PAX6: variants seen among roughly 807,000 people sequenced by gnomAD.
PAX6 encodes paired box 6.
Under a neutral mutation model 60.7 loss-of-function variants are expected in PAX6, and 7 were observed. That is an observed-to-expected ratio of 0.12 (90% confidence interval 0.07 to 0.22). PAX6 has a LOEUF of 0.22. PAX6 is among the 10% of genes least tolerant of loss of function. The pLI is 1.00. For synonymous variants in PAX6, 208 were observed against 201.2 expected (o/e 1.03, Z -0.29); for missense variants, 355 against 555.2 (o/e 0.64, Z 3.62).
rs575838047 is a variant in PAX6 at position 31,790,933 on chromosome 11, C to T, written c.1075-73G>A. On this transcript the variant is annotated intron_variant, in intron 12 of 13. Transcript: ENST00000640368. The stretch of plus-strand genomic sequence containing the variant: ...AGCCACAGCCCCAGGCTCCCTCCTC[C>T]CGAGGAACTCTGCCAACAAGTCTGA... 12 of 1,500,602 alleles carry T rather than the reference C, an allele frequency of 8.0e-6. No homozygotes were observed. The East Asian group carries it at 1.7e-4, about 21-fold the overall frequency. 93.0% of individuals were successfully genotyped at this position (1,500,602 alleles called of 1,614,324 possible). A position where few individuals can be genotyped will look rare whatever the true frequency, so the allele number is the denominator to read the frequency against.
chr11:31,800,561 C>A lies in PAX6; in HGVS notation c.565+130G>T, dbSNP rs906804780. 2.2e-5 allele frequency: 24 copies of A among 1,105,760 alleles called. No individual in the cohort carries two copies. The Admixed American group carries it at 3.4e-4, about 16-fold the overall frequency. The allele number at this position is 1,105,760 out of a possible 1,614,324, so 68.5% of individuals were successfully genotyped here. On this transcript the variant is annotated intron_variant, in intron 8 of 13. Transcript: ENST00000640368. ...TACAATGTGGTCGATGTGTCCCAGG[C>A]CTTCAAATGCAGTCTCACCCATGAC...
chr11:31,801,503 A>T, intron 7 of PAX6, 58 bp downstream of exon 7: 1 of 1,612,782 alleles, frequency 6.2e-7, no homozygotes. Flanking sequence ...GGGAGGAGGT[A>T]AAGAGGAGAG....
At chr11:31,800,534 C>G in intron 8 of PAX6, 157 bp downstream of exon 8, 1 of 913,306 alleles carries the variant, frequency 1.1e-6, no homozygotes, top group East Asian at 2.4e-5. Flanking sequence ...ACACCACCTA[C>G]ATACAATGTG....
intron 2 of PAX6, chr11:31,807,607 C>G (rs566538959): frequency 6.6e-6 from 1 of 152,212 alleles, no homozygotes; most frequent in African/African-American, 2.4e-5. Flanking sequence ...ACCCCTTTAA[C>G]TGTACTGTGA....
At chr11:31,794,515 A>G in intron 9 of PAX6, 115 bp downstream of exon 9, 1 of 1,043,306 alleles carries the variant, frequency 9.6e-7, no homozygotes, top group South Asian at 1.3e-5. Flanking sequence ...AGACAGAAAA[A>G]AGGAAATCTT....
intron 12 of PAX6, chr11:31,791,743 A>C (rs1170526205): frequency 6.6e-6 from 1 of 152,212 alleles, no homozygotes; most frequent in Non-Finnish European, 1.5e-5. Flanking sequence ...ATATCAGAGA[A>C]GGTCCAGAGG....
chr11:31,796,622 G>A (rs1475420818), intron 8 of PAX6, among the ~76,000 whole-genome samples: 1 of 123,908 alleles, frequency 8.1e-6, no homozygotes, highest in Non-Finnish European at 1.7e-5. Context: ...GGAAGGATTG[G>A]GGGGCCTGGG....
At chr11:31,802,275 A>T in intron 5 of PAX6, 1 of 333,334 alleles carries the variant, frequency 3.0e-6, no homozygotes, top group Non-Finnish European at 5.5e-6. Flanking sequence ...TAAAATCAAT[A>T]TATATTATTC....
chr11:31,817,090 G>A (rs1054496975), intron 1 of PAX6, among the ~76,000 whole-genome samples: 6 of 152,248 alleles, frequency 3.9e-5, no homozygotes, highest in African/African-American at 7.2e-5. Flanking sequence ...GGCTCCCATG[G>A]CGCCCGCGCG....
upstream of PAX6, among the ~76,000 whole-genome samples, chr11:31,813,649 G>T (rs1383003277): frequency 6.6e-6 from 1 of 152,098 alleles, no homozygotes; most frequent in Non-Finnish European, 1.5e-5. Context: ...TGCCACTGAC[G>T]TCATTGGGTG....
chr11:31,813,375 G>A (rs1957217375), upstream of PAX6, among the ~76,000 whole-genome samples: 1 of 123,084 alleles, frequency 8.1e-6, no homozygotes, highest in Admixed American at 8.4e-5. Context: ...ATGAGCGAGG[G>A]ACTTGCGGGG....
At position 31,790,855 on chromosome 11, in the gene PAX6, T is replaced by C. The variant is rs1369134372; in HGVS notation, c.1080A>G (p.Pro360=). Residue 360 remains proline (P), a synonymous_variant, in exon 13 of 14, where the codon CCA becomes CCG. Transcript: ENST00000640368. ...TMANNLPMQP[P]VPSQTSSYSC... ...AGTATGAGGAGGTCTGGCTGGGGAC[T>C]GGGGGCTGTGAGGAGAGAGGCAAAC... The C allele has an allele frequency of 1.2e-6, 2 of 1,613,944 alleles. No homozygotes were observed. The highest frequency in any genetic ancestry group is 1.3e-5 in the African/African-American group (1 of 75,018).
At chr11:31,798,663 G>C (rs1355186660) in intron 8 of PAX6, among the ~76,000 whole-genome samples, 1 of 152,180 alleles carries the variant, frequency 6.6e-6, no homozygotes, top group Non-Finnish European at 1.5e-5. Context: ...CTCACTTGCG[G>C]GTGGGGGGGT....
chr11:31,801,229 C>A, intron 7 of PAX6: 1 of 1,350,354 alleles, frequency 7.4e-7, no homozygotes, highest in South Asian at 1.6e-5. Flanking sequence ...ATGTGTGACA[C>A]CTGAAGGAAA....
intron 9 of PAX6, 124 bp from the exon 10 acceptor site, chr11:31,794,238 G>A (rs749970733): frequency 1.3e-6 from 1 of 787,806 alleles, no homozygotes; most frequent in Non-Finnish European, 2.3e-6. Context: ...CCTTTAAAAT[G>A]CTTCTAGTGT....
intron 1 of PAX6, among the ~76,000 whole-genome samples, chr11:31,816,866 C>T (rs1033409306): frequency 1.3e-5 from 2 of 152,362 alleles, no homozygotes; most frequent in South Asian, 2.1e-4. Flanking sequence ...AACTCCCGGG[C>T]GGGGTTCTTG....
In PAX6 at chr11:31,794,189, G is replaced by A. The variant is rs1181343293; in HGVS notation, c.725-75C>T. The A allele has an allele frequency of 3.1e-6, 3 of 953,530 alleles. No individual in the cohort carries two copies. The East Asian group carries it at 7.2e-5, about 23-fold the overall frequency. The allele number at this position is 953,530 out of a possible 1,614,324, so 59.1% of individuals were successfully genotyped here. ...TGTTGACCAAACTGTGCATCAAACTGGTTCCCACCTCCCCACTCCCATTAC... is the reference window on the plus strand; with the variant it reads ...TGTTGACCAAACTGTGCATCAAACTAGTTCCCACCTCCCCACTCCCATTAC... On this transcript the variant is annotated intron_variant, in intron 9 of 13. Coordinates refer to ENST00000640368, the MANE Select transcript of PAX6 (RefSeq NM_001368894.2).
intron 4 of PAX6, chr11:31,803,205 A>C: frequency 6.5e-6 from 2 of 305,774 alleles, no homozygotes; most frequent in South Asian, 3.3e-5. Flanking sequence ...TACAGCCATA[A>C]CCCCAGCAGT....
chr11:31,816,699 G>A (rs1257791448), intron 1 of PAX6: 1 of 546,250 alleles, frequency 1.8e-6, no homozygotes, highest in Non-Finnish European at 3.2e-6. Context: ...GAGGTGAGCA[G>A]GGGGCGCCAC....
Sources: gnomAD v4.1 joint callset for allele counts (sites outside exome capture counted in the v4.1 genomes callset) on GRCh38, gnomAD v4.1.1 for gene constraint, MANE v1.5 for transcripts, NCBI Gene and HGNC (gene_info 2026-07-23, HGNC 2026-07-21) for gene names.